The following DLGAP5 variants were observed in gnomAD, a reference collection of about 807,000 sequenced individuals.
DLGAP5 encodes disks large-associated protein 5.
DLGAP5 carries 90 observed loss-of-function variants against 99.6 expected under a neutral mutation model. That is an observed-to-expected ratio of 0.90 (90% CI 0.76 to 1.08). DLGAP5 has a LOEUF of 1.08. Among genes scored for constraint, DLGAP5 ranks in the 50% least tolerant of loss-of-function variants. DLGAP5 has a pLI of 0.00. For synonymous variants in DLGAP5, 311 were observed against 321.3 expected, an observed-to-expected ratio of 0.97 and a Z score of 0.34; for missense variants, 1,036 against 983.5, an observed-to-expected ratio of 1.05 and a Z score of -0.71.
At chr14:55,173,924 C>T (rs554315500) in intron 10 of DLGAP5, among the ~76,000 whole-genome samples, 1 of 152,254 alleles carries the variant, frequency 6.6e-6, no homozygotes, top group South Asian at 2.1e-4. Flanking sequence ...ATTAACTGCA[C>T]AAATTGTACA....
At chr14:55,158,352 T>A (rs1882284454) in intron 14 of DLGAP5, among the ~76,000 whole-genome samples, 170 bp downstream of exon 14, 1 of 152,228 alleles carries the variant, frequency 6.6e-6, no homozygotes, top group African/African-American at 2.4e-5. Flanking sequence ...AAATGTGATT[T>A]ACAGTGTTTG....
At chr14:55,162,348 G>A (rs903214730) in intron 13 of DLGAP5, among the ~76,000 whole-genome samples, 11 of 152,082 alleles carry the variant, frequency 7.2e-5, no homozygotes, top group Non-Finnish European at 1.3e-4. Context: ...GGCCGGGCAC[G>A]GTGGCTCATG....
chr14:55,172,793 C>A (rs992821865), intron 10 of DLGAP5, among the ~76,000 whole-genome samples: 3 of 151,478 alleles, frequency 2.0e-5, no homozygotes, highest in Non-Finnish European at 2.9e-5. Context: ...ACCAGCTTGA[C>A]CAACATGGTG....
In DLGAP5 at chr14:55,170,578, A is replaced by C. The variant is rs563836048; in HGVS notation, c.1387+124T>G. The stretch of plus-strand genomic sequence containing the variant: ...GTAGACATCAAGTTAAAAAAGAAAA[A>C]ATTCTTGCTACTTTGAATGATAATG... On this transcript the variant is annotated intron_variant, in intron 11 of 18. Coordinates refer to ENST00000247191, the MANE Select transcript of DLGAP5 (RefSeq NM_014750.5). The C allele has an allele frequency of 4.9e-6, 4 of 809,688 alleles. No homozygotes were observed. In the African/African-American group the frequency reaches 6.9e-5, roughly 14 times the overall value. The allele number at this position is 809,688 out of a possible 1,614,324, so 50.2% of individuals were successfully genotyped here.
intron 15 of DLGAP5, among the ~76,000 whole-genome samples, chr14:55,152,960 C>G (rs1477350204): frequency 6.6e-6 from 1 of 152,106 alleles, no homozygotes; most frequent in Non-Finnish European, 1.5e-5. Flanking sequence ...AAAGAAAAGT[C>G]AAAAAGAAGG....
chr14:55,159,587 T>C (rs1882340675), intron 13 of DLGAP5, among the ~76,000 whole-genome samples: 1 of 152,208 alleles, frequency 6.6e-6, no homozygotes, highest in Non-Finnish European at 1.5e-5. Context: ...GAGACTTCTA[T>C]CTTGAACACC....
chr14:55,177,436 T>A (rs1883113790), intron 7 of DLGAP5, 100 bp from the exon 8 acceptor site: 2 of 1,095,510 alleles, frequency 1.8e-6, no homozygotes, highest in Admixed American at 6.0e-5. Context: ...GAAATATATG[T>A]TCTATGTACA....
intron 6 of DLGAP5, 48 bp from the exon 7 acceptor site, chr14:55,179,747 G>T: frequency 6.9e-7 from 1 of 1,442,438 alleles, no homozygotes; most frequent in Non-Finnish European, 9.6e-7. Flanking sequence ...AATGCTACAT[G>T]AAAATACTAG....
chr14:55,169,953 G>C (rs1882796767), intron 11 of DLGAP5, among the ~76,000 whole-genome samples: 1 of 152,086 alleles, frequency 6.6e-6, no homozygotes, highest in South Asian at 2.1e-4. Context: ...TGGCCAACAT[G>C]GTGAAACCCC....
Position 55,152,616 on chromosome 14 carries a change from A to G in DLGAP5, c.2095T>C (p.Leu699=). Residue 699 remains leucine, a synonymous_variant, in exon 16 of 19, where the codon TTA becomes CTA. Coordinates refer to ENST00000247191, the MANE Select transcript of DLGAP5 (RefSeq NM_014750.5). ...SSIEDAQCPG[L]PDLIEENHVV... is the part of the protein sequence containing the mutation. ...TGATTTTCTTCAATTAAATCTGGTA[A>G]TCCAGGACACTGAGCATCTTCTATG... 6.2e-7 allele frequency: 1 copy of G among 1,603,206 alleles called. No individual in the cohort carries two copies. The highest frequency in any genetic ancestry group is 2.2e-5 in the East Asian group (1 of 44,672).
At chr14:55,167,357 G>C (rs1159948401) in intron 12 of DLGAP5, among the ~76,000 whole-genome samples, 2 of 151,710 alleles carry the variant, frequency 1.3e-5, no homozygotes, top group Non-Finnish European at 2.9e-5. Context: ...AATCAGAATT[G>C]AAGGGTGCTA....
At chr14:55,157,731 A>C (rs889487455) in intron 14 of DLGAP5, among the ~76,000 whole-genome samples, 1 of 152,244 alleles carries the variant, frequency 6.6e-6, no homozygotes, top group South Asian at 2.1e-4. Flanking sequence ...TTTTAATACA[A>C]ATGCAAATAA....
chr14:55,170,650 G>T (rs370984134), intron 11 of DLGAP5, 52 bp downstream of exon 11: 121 of 1,406,378 alleles, frequency 8.6e-5, no homozygotes, highest in Non-Finnish European at 1.2e-4. Flanking sequence ...TCAGATAAAC[G>T]TAACCATAGT....
chr14:55,181,041 G>A (rs950417970), intron 5 of DLGAP5, among the ~76,000 whole-genome samples, 172 bp downstream of exon 5: 2 of 152,154 alleles, frequency 1.3e-5, no homozygotes, highest in Non-Finnish European at 2.9e-5. Context: ...CTTGAGCCCA[G>A]GAGGTGGAGG....
At position 55,154,617 on chromosome 14, in the gene DLGAP5, C is replaced by G; in HGVS notation, c.2063G>C (p.Arg688Thr). 1 of 1,612,770 alleles carries G rather than the reference C, an allele frequency of 6.2e-7. No individual in the cohort carries two copies. The highest frequency in any genetic ancestry group is 8.5e-7 in the Non-Finnish European group (1 of 1,178,920). ...KTLFLSIPES[R>T]SSIEDAQCPG... ...TCTTATTAACATGTTAAAGAAATAC[C>G]TGCTTTCAGGAATACTCAAAAACAA... Residue 688 changes from arginine to threonine, a missense_variant and splice_region_variant, in exon 15 of 19, where the codon AGG (arginine) becomes ACG (threonine). Physicochemically the swap from Arg to Thr is moderately conservative, Grantham distance 71 (BLOSUM62 -1). Transcript: ENST00000247191.
At position 55,150,786 on chromosome 14, in the gene DLGAP5, T is replaced by C. The variant is rs1435480957; in HGVS notation, c.2418+13A>G. The C allele has an allele frequency of 1.1e-5, 17 of 1,562,432 alleles. No individual in the cohort carries two copies. Among genetic ancestry groups the C allele is most frequent in the Non-Finnish European group, 1.4e-5 (16 of 1,159,380 alleles). ...CTAGAATATAAAGGGACTTGTCAAG[T>C]TGGAAAACTTACTGAATCAAGAAGG... On this transcript the variant is annotated intron_variant, in intron 18 of 18. Transcript: ENST00000247191.
At chr14:55,179,281 A>G (rs572604248) in intron 7 of DLGAP5, among the ~76,000 whole-genome samples, 20 of 152,344 alleles carry the variant, frequency 1.3e-4, no homozygotes, top group African/African-American at 4.6e-4. Flanking sequence ...TTGGAAGCAG[A>G]GAGAGTATTC....
At chr14:55,153,133 T>C (rs1882074790) in intron 15 of DLGAP5, among the ~76,000 whole-genome samples, 1 of 152,168 alleles carries the variant, frequency 6.6e-6, no homozygotes, top group South Asian at 2.1e-4. Flanking sequence ...GGAGTTACAA[T>C]GTTCTTAAGT....
In DLGAP5 at chr14:55,189,156, A is replaced by G. The variant is rs1883528464; in HGVS notation, c.24T>C (p.Ser8=). Residue 8 remains serine, a synonymous_variant, in exon 2 of 19, where the codon AGT becomes AGC. Coordinates refer to ENST00000247191, the MANE Select transcript of DLGAP5 (RefSeq NM_014750.5). ...CAGTACTTATATCCTTCCTGTGTCG[A>G]CTGGCAAAATGTGATGAAGACATCC... MSSSHFA[S]RHRKDISTEM... 1 of 1,613,238 alleles carries G rather than the reference A, an allele frequency of 6.2e-7. No homozygotes were observed.
Sources: gnomAD v4.1 joint callset for allele counts (sites outside exome capture counted in the v4.1 genomes callset) on GRCh38, gnomAD v4.1.1 for gene constraint, MANE v1.5 for transcripts, NCBI Gene and HGNC (gene_info 2026-07-23, HGNC 2026-07-21) for gene names.